Variants in CHMP3 observed in about 807,000 individuals in gnomAD.
CHMP3 encodes charged multivesicular body protein 3.
A neutral mutation model predicts 27.4 loss-of-function variants in CHMP3; 8 were observed. The ratio of observed to expected loss-of-function variants is 0.29; its 90% confidence interval spans 0.17 to 0.53. The LOEUF (loss-of-function observed/expected upper bound fraction) is 0.53, where lower values mean the gene tolerates loss of function less well. Among genes scored for constraint, CHMP3 ranks in the 20% least tolerant of loss-of-function variants. The pLI is 0.96. For missense variants in CHMP3, 208 were observed against 271.5 expected, an observed-to-expected ratio of 0.77 and a Z score of 1.64; for synonymous variants, 86 against 85.5, an observed-to-expected ratio of 1.01 and a Z score of -0.03.
chr2:86,526,644 T>C (rs1675719085), intron 3 of CHMP3, among the ~76,000 whole-genome samples: 1 of 151,936 alleles, frequency 6.6e-6, no homozygotes. Context: ...GTAGTTCAAA[T>C]CAATGGACTA....
intron 1 of CHMP3, among the ~76,000 whole-genome samples, chr2:86,552,805 G>A (rs1676962821): frequency 6.6e-6 from 1 of 152,106 alleles, no homozygotes. Flanking sequence ...AAAACACAGG[G>A]GGTAGAGAAA....
At position 86,507,591 on chromosome 2, in the gene CHMP3, A is replaced by G. The variant is rs558110877; in HGVS notation, c.411T>C (p.Ala137=). The G allele has an allele frequency of 1.2e-6, 2 of 1,613,440 alleles. No individual in the cohort carries two copies. The highest frequency in any genetic ancestry group is 1.3e-5 in the African/African-American group (1 of 74,920). ...CCTCTAACATCTCCTCTATGATCCC[A>G]GCCTAAACAGAATAAATATGTCACT... The part of the protein sequence containing the change: ...MRELSKEMMK[A]GIIEEMLEDT... The change falls in exon 5 of 6, where the codon GCT becomes GCC. Residue 137 remains alanine, a splice_region_variant and synonymous_variant. Transcript: ENST00000263856.
intron 1 of CHMP3, among the ~76,000 whole-genome samples, chr2:86,556,560 T>A (rs1677129745): frequency 6.6e-6 from 1 of 152,158 alleles, no homozygotes; most frequent in Non-Finnish European, 1.5e-5. Context: ...TTCTCTTACC[T>A]GGGAGATGTA....
chr2:86,510,478 C>T lies in CHMP3; in HGVS notation c.288G>A (p.Ala96=), dbSNP rs144144066. The T allele has an allele frequency of 2.4e-5, 38 of 1,611,960 alleles. No homozygotes were observed. The highest frequency in any genetic ancestry group is 2.8e-5 in the Non-Finnish European group (33 of 1,179,990). Reference sequence around the variant, plus strand: ...GCAGGGAACCAGCCACTCGCAAGACCGCTGAAAGAGAATGTGTACAGTCAG... The same window carrying T: ...GCAGGGAACCAGCCACTCGCAAGACTGCTGAAAGAGAATGTGTACAGTCAG... ...SVLMGMKNQL[A]VLRVAGSLQK... is the part of the protein sequence containing the mutation. The change falls in exon 4 of 6, where the codon GCG becomes GCA. Residue 96 remains alanine (A), a splice_region_variant and synonymous_variant. Coordinates refer to ENST00000263856, the MANE Select transcript of CHMP3 (RefSeq NM_016079.4).
At chr2:86,531,031 ATTG>A (rs1675899382) in intron 2 of CHMP3, among the ~76,000 whole-genome samples, 1 of 152,134 alleles carries the variant, frequency 6.6e-6, no homozygotes, top group Non-Finnish European at 1.5e-5. Context: ...AAGTCGTTTT[ATTG>A]TTGTGGCATT....
chr2:86,510,178 C>T (rs1335251833), intron 4 of CHMP3, among the ~76,000 whole-genome samples, 180 bp downstream of exon 4: 1 of 152,168 alleles, frequency 6.6e-6, no homozygotes, highest in Non-Finnish European at 1.5e-5. Flanking sequence ...CAATCTGACC[C>T]AGCCTCTGCT....
rs1331701203 is a variant in CHMP3 at position 86,504,725 on chromosome 2, G to A, written c.*1079C>T. 6.6e-6 allele frequency: 1 copy of A among 152,136 alleles called. No homozygotes were observed. Among genetic ancestry groups the A allele is most frequent in the Non-Finnish European group, 1.5e-5 (1 of 68,036 alleles). 9.4% of individuals were successfully genotyped at this position (152,136 alleles called of 1,614,324 possible). On this transcript the variant is annotated 3_prime_UTR_variant, in exon 6 of 6. Transcript: ENST00000263856. ...TGCTACAATATACAAAAAACAATCT[G>A]TGAGACAGTGGCTGGGCTTTTTTCC... is the stretch of plus-strand genomic sequence containing the variant.
intron 3 of CHMP3, among the ~76,000 whole-genome samples, chr2:86,528,038 T>A (rs565093364): frequency 6.7e-6 from 1 of 149,150 alleles, no homozygotes; most frequent in East Asian, 1.9e-4. Flanking sequence ...CATTTTGTCA[T>A]TTTTTTTTTA....
intron 2 of CHMP3, among the ~76,000 whole-genome samples, chr2:86,539,596 T>C (rs1472559747): frequency 1.3e-5 from 2 of 152,126 alleles, no homozygotes; most frequent in Admixed American, 6.5e-5. Flanking sequence ...AAAAAAGGAA[T>C]ATGCAAGGCT....
intron 1 of CHMP3, among the ~76,000 whole-genome samples, chr2:86,546,209 C>T (rs1373848414): frequency 1.3e-5 from 2 of 152,122 alleles, no homozygotes; most frequent in African/African-American, 4.8e-5. Context: ...ACCAGAAATA[C>T]AAAAACCAGT....
intron 2 of CHMP3, among the ~76,000 whole-genome samples, chr2:86,536,377 G>A (rs1379725687): frequency 2.6e-5 from 4 of 151,466 alleles, no homozygotes; most frequent in African/African-American, 9.8e-5. Flanking sequence ...ACTGTATAAT[G>A]TCCTTTCATT....
At chr2:86,516,976 G>A (rs1675332111) in intron 3 of CHMP3, among the ~76,000 whole-genome samples, 1 of 152,166 alleles carries the variant, frequency 6.6e-6, no homozygotes, top group East Asian at 1.9e-4. Context: ...CTGATTGTGA[G>A]ATTGTACTCT....
chr2:86,544,651 C>T (rs946242123), intron 1 of CHMP3, among the ~76,000 whole-genome samples: 14 of 152,192 alleles, frequency 9.2e-5, no homozygotes, highest in African/African-American at 2.6e-4. Context: ...CAGAGAGCAC[C>T]GGGTTTGGGG....
At chr2:86,540,469 C>T (rs1253438794) in intron 2 of CHMP3, among the ~76,000 whole-genome samples, 3 of 152,064 alleles carry the variant, frequency 2.0e-5, no homozygotes, top group African/African-American at 7.2e-5. Flanking sequence ...GGAATGTTTG[C>T]ATCATACCAT....
chr2:86,538,947 AC>A (rs1676250273), intron 2 of CHMP3, among the ~76,000 whole-genome samples: 1 of 152,186 alleles, frequency 6.6e-6, no homozygotes, highest in Non-Finnish European at 1.5e-5. Flanking sequence ...TGTAACCAGG[AC>A]CTAGATTAAG....
At chr2:86,560,521 G>T (rs1459950577) in intron 1 of CHMP3, among the ~76,000 whole-genome samples, 4 of 151,798 alleles carry the variant, frequency 2.6e-5, no homozygotes, top group Non-Finnish European at 4.4e-5. Context: ...AGAACATATG[G>T]ACACAGGGAG....
rs772028306 is a variant in CHMP3 at position 86,510,348 on chromosome 2, C to G, written c.408+10G>C. ...GTTTGGAAAGGAAAGCAGGGCTAGC[C>G]CCAAGTCACCTTCATCATTTCTTTG... On this transcript the variant is annotated intron_variant, in intron 4 of 5. Transcript: ENST00000263856. The G allele has an allele frequency of 1.9e-6, 3 of 1,613,886 alleles. No homozygotes were observed. The South Asian group carries it at 3.3e-5, about 18-fold the overall frequency.
intron 3 of CHMP3, among the ~76,000 whole-genome samples, chr2:86,515,759 C>A (rs1243890757): frequency 6.6e-6 from 1 of 152,142 alleles, no homozygotes; most frequent in Non-Finnish European, 1.5e-5. Context: ...TATAAAGACT[C>A]AAGTGCTCCT....
At chr2:86,512,325 C>G (rs1343484206) in intron 3 of CHMP3, 1 of 152,280 alleles carries the variant, frequency 6.6e-6, no homozygotes, top group East Asian at 1.9e-4. Flanking sequence ...GCCTACCCTC[C>G]AGAAAATGCA....
Sources: allele counts gnomAD v4.1 joint callset (sites outside exome capture counted in the v4.1 genomes callset), GRCh38; gene constraint gnomAD v4.1.1; transcripts MANE v1.5; gene names NCBI Gene and HGNC (gene_info 2026-07-23, HGNC 2026-07-21).